Variants in SLC27A6 observed in about 807,000 individuals in gnomAD.
SLC27A6 encodes the protein solute carrier family 27 member 6.
SLC27A6 carries 74 observed loss-of-function variants against 63.9 expected under a neutral mutation model. That is an observed-to-expected ratio of 1.16 (90% CI 0.96 to 1.40). The LOEUF (loss-of-function observed/expected upper bound fraction) is 1.40, where lower values mean the gene tolerates loss of function less well. Among genes scored for constraint, SLC27A6 ranks in the 40% most tolerant of loss-of-function variants. The pLI, the probability that SLC27A6 is intolerant of heterozygous loss-of-function variation, is 0.00. For missense variants in SLC27A6, 794 were observed against 732.9 expected, an observed-to-expected ratio of 1.08 and a Z score of -0.96; for synonymous variants, 287 against 260.8, an observed-to-expected ratio of 1.10 and a Z score of -0.97.
intron 5 of SLC27A6, among the ~76,000 whole-genome samples, chr5:129,020,181 G>T (rs1300212621): frequency 1.3e-5 from 2 of 152,114 alleles, no homozygotes; most frequent in African/African-American, 4.8e-5. Context: ...AAGAATTTTT[G>T]TTCTGGCTAA....
chr5:128,973,378 G>A (rs528719639), intron 1 of SLC27A6, among the ~76,000 whole-genome samples: 3 of 152,290 alleles, frequency 2.0e-5, no homozygotes, highest in Non-Finnish European at 4.4e-5. Context: ...GCCCCCAGAG[G>A]TAGAGTCTAC....
intron 2 of SLC27A6, 35 bp from the exon 3 acceptor site, chr5:128,988,565 G>GTA (rs755946926): frequency 1.3e-6 from 2 of 1,562,424 alleles, no homozygotes; most frequent in South Asian, 2.2e-5. Context: ...ATGTATGTGT[G>GTA]TATATATATT....
intron 7 of SLC27A6, among the ~76,000 whole-genome samples, chr5:129,027,614 A>G (rs1752287298): frequency 6.6e-6 from 1 of 152,142 alleles, no homozygotes; most frequent in South Asian, 2.1e-4. Flanking sequence ...TATAAATGGT[A>G]GGGTTAAAAC....
rs557673022 is a variant in SLC27A6 at position 128,971,376 on chromosome 5, T to G, written c.481+4758T>G. On this transcript the variant is annotated intron_variant, in intron 1 of 9. Coordinates refer to ENST00000262462, the MANE Select transcript of SLC27A6 (RefSeq NM_001017372.3). Reference sequence around the variant, plus strand: ...AGTGGGGTGTTAAAGTCTCCTATTATTATTGTTTGGGGGTCTAAGTCTCTT... The same window carrying G: ...AGTGGGGTGTTAAAGTCTCCTATTAGTATTGTTTGGGGGTCTAAGTCTCTT... Among the ~76,000 whole-genome samples, 29 of 152,238 alleles carry G rather than the reference T, an allele frequency of 1.9e-4. No homozygotes were observed. The South Asian group carries it at 5.8e-3, about 30-fold the overall frequency.
At chr5:128,994,837 A>G (rs966494411) in intron 4 of SLC27A6, among the ~76,000 whole-genome samples, 1 of 152,202 alleles carries the variant, frequency 6.6e-6, no homozygotes, top group South Asian at 2.1e-4. Flanking sequence ...TATGGCCAGA[A>G]GCATTTATCC....
intron 1 of SLC27A6, among the ~76,000 whole-genome samples, chr5:128,976,529 A>C (rs1750387677): frequency 6.6e-6 from 1 of 152,172 alleles, no homozygotes; most frequent in Non-Finnish European, 1.5e-5. Flanking sequence ...AAAACAAAAC[A>C]AAACAAAACA....
intron 4 of SLC27A6, among the ~76,000 whole-genome samples, chr5:129,000,075 A>G (rs1354297281): frequency 2.0e-5 from 3 of 152,274 alleles, no homozygotes; most frequent in East Asian, 1.9e-4. Flanking sequence ...CTGGTGCCCA[A>G]AGAAAGAGCA....
chr5:128,981,881 T>C (rs1750604602), intron 1 of SLC27A6, among the ~76,000 whole-genome samples: 1 of 151,826 alleles, frequency 6.6e-6, no homozygotes, highest in South Asian at 2.1e-4. Context: ...TGGCGTGATC[T>C]TGGCTCACTG....
chr5:128,977,121 T>C (rs561782702), intron 1 of SLC27A6, among the ~76,000 whole-genome samples: 1 of 152,306 alleles, frequency 6.6e-6, no homozygotes, highest in East Asian at 1.9e-4. Flanking sequence ...TGCAAAAATA[T>C]GCGAAGTAAA....
At position 128,966,090 on chromosome 5, in the gene SLC27A6, C is replaced by T; in HGVS notation, c.-48C>T. The T allele has an allele frequency of 6.6e-7, 1 of 1,513,378 alleles. No homozygotes were observed. The highest frequency in any genetic ancestry group is 8.8e-7 in the Non-Finnish European group (1 of 1,134,126). 93.7% of individuals were successfully genotyped at this position (1,513,378 alleles called of 1,614,324 possible). On this transcript the variant is annotated 5_prime_UTR_variant, in exon 1 of 10. The change creates a new upstream start codon in the 5' untranslated region. Coordinates refer to ENST00000262462, the MANE Select transcript of SLC27A6 (RefSeq NM_001017372.3). ...GAGAGCTGTGCCTGGAAGAGAAGGACGCTGGTGGGGGCTGAGATCAGAGCT... is the reference window on the plus strand; with the variant it reads ...GAGAGCTGTGCCTGGAAGAGAAGGATGCTGGTGGGGGCTGAGATCAGAGCT...
chr5:128,972,753 C>T (rs891279178), intron 1 of SLC27A6, among the ~76,000 whole-genome samples: 1 of 152,202 alleles, frequency 6.6e-6, no homozygotes, highest in Non-Finnish European at 1.5e-5. Flanking sequence ...TACCGGTCTT[C>T]TGAAGCCTGC....
chr5:129,016,279 C>T (rs1751890480), intron 5 of SLC27A6, among the ~76,000 whole-genome samples, 200 bp downstream of exon 5: 1 of 150,554 alleles, frequency 6.6e-6, no homozygotes, highest in Admixed American at 6.7e-5. Context: ...ACCTGTAGTC[C>T]CAACTAGTTG....
rs1051432400 is a variant in SLC27A6, at chr5:128,988,362, A to G, written c.686-238A>G. Among the ~76,000 whole-genome samples, 42 of 152,236 alleles carry G rather than the reference A, an allele frequency of 2.8e-4. 1 individual carries two copies. Among genetic ancestry groups the G allele is most frequent in the Non-Finnish European group, 1.2e-4 (8 of 68,044 alleles). ...CCAGAAAGGCCAACGATAAAATTAC[A>G]TAGCGTTTGAGATACAGGCCTACTT... On this transcript the variant is annotated intron_variant, in intron 2 of 9. Transcript: ENST00000262462.
chr5:128,996,583 T>A (rs12173022), intron 4 of SLC27A6, among the ~76,000 whole-genome samples: 1 of 151,544 alleles, frequency 6.6e-6, no homozygotes, highest in Non-Finnish European at 1.5e-5. Flanking sequence ...AGTTTACAGG[T>A]TTTTTTTTAT....
chr5:129,010,042 C>T (rs929054969), intron 4 of SLC27A6, among the ~76,000 whole-genome samples: 1 of 152,128 alleles, frequency 6.6e-6, no homozygotes, highest in Non-Finnish European at 1.5e-5. Flanking sequence ...TTTTTAAAGG[C>T]GTCCCTGCTA....
At chr5:129,000,449 A>T (rs1751296198) in intron 4 of SLC27A6, among the ~76,000 whole-genome samples, 1 of 152,190 alleles carries the variant, frequency 6.6e-6, no homozygotes, top group African/African-American at 2.4e-5. Flanking sequence ...TTGCTGGGAT[A>T]CTTGTGTGCT....
Position 129,006,071 on chromosome 5 carries a change from G to GTTTTTTTTTTTTGTTTT in SLC27A6, c.970-9802_970-9801insGTTTTTTTTTTTTTTTT, listed in dbSNP as rs1751514544. 7.3e-4 allele frequency among the ~76,000 whole-genome samples: 44 copies of GTTTTTTTTTTTTGTTTT among 60,142 alleles called. 4 individuals are homozygous for GTTTTTTTTTTTTGTTTT. In the Admixed American group the frequency reaches 0.01, roughly 14 times the overall value. 39.5% of individuals were successfully genotyped at this position (60,142 alleles called of 152,430 possible). On this transcript the variant is annotated intron_variant, in intron 4 of 9. Transcript: ENST00000262462. ...TAAAATTTTCATTCCTGTGCACACT[G>GTTTTTTTTTTTTGTTTT]TTTTTTTTTTTTTTTTTTTTTTTTT... is the stretch of plus-strand genomic sequence containing the variant.
intron 4 of SLC27A6, among the ~76,000 whole-genome samples, chr5:129,009,515 T>G (rs192388895): frequency 6.6e-6 from 1 of 152,198 alleles, no homozygotes; most frequent in Non-Finnish European, 1.5e-5. Context: ...ATATATAAAT[T>G]TTATTCATAG....
intron 4 of SLC27A6, among the ~76,000 whole-genome samples, chr5:129,007,222 GA>G (rs1388213892): frequency 6.6e-6 from 1 of 151,892 alleles, no homozygotes; most frequent in Non-Finnish European, 1.5e-5. Context: ...GAGGCGGGTG[GA>G]TCACAAGGTC....
Sources: gnomAD v4.1 joint callset for allele counts (sites outside exome capture counted in the v4.1 genomes callset) on GRCh38, gnomAD v4.1.1 for gene constraint, MANE v1.5 for transcripts, NCBI Gene and HGNC (gene_info 2026-07-23, HGNC 2026-07-21) for gene names.